CDON: variants seen among roughly 807,000 people sequenced by gnomAD.
The protein encoded by CDON is cell adhesion molecule-related/down-regulated by oncogenes.
In CDON, 73 loss-of-function variants were observed where a neutral mutation model predicts 120.9. The ratio of observed to expected loss-of-function variants is 0.60; its 90% CI spans 0.50 to 0.73. CDON has a LOEUF of 0.73. CDON is among the 30% of genes least tolerant of loss of function. The probability of loss-of-function intolerance (pLI) is 0.00; values close to 1 mark genes in which losing one functional copy is unlikely to be tolerated. For synonymous variants in CDON, 566 were observed against 573.5 expected (o/e 0.99, Z 0.19); for missense variants, 1,470 against 1,587.3 (o/e 0.93, Z 1.26).
Position 126,006,049 on chromosome 11 carries a change from C to T in CDON, c.1561G>A (p.Glu521Lys). The change falls in exon 9 of 20, where the codon GAA becomes AAA. Residue 521 changes from glutamate (E) to lysine (K), a missense_variant. Coordinates refer to ENST00000531738, the MANE Select transcript of CDON (RefSeq NM_001378964.1). Reference sequence around the variant, plus strand: ...ACTGTCTCTGCTTTTGTATTTGTTTCAAAAGGAACTGCAGGGAGAGAGAGA... The same window carrying T: ...ACTGTCTCTGCTTTTGTATTTGTTTTAAAAGGAACTGCAGGGAGAGAGAGA... ...AEASLMVVPF[E>K]TNTKAETVTL... is the part of the protein sequence containing the mutation. The T allele has an allele frequency of 6.2e-7, 1 of 1,613,816 alleles. No individual in the cohort carries two copies. Among genetic ancestry groups the T allele is most frequent in the Non-Finnish European group, 8.5e-7 (1 of 1,179,942 alleles).
At chr11:125,992,546 A>G (rs906577688) in intron 14 of CDON, among the ~76,000 whole-genome samples, 3 of 152,148 alleles carry the variant, frequency 2.0e-5, no homozygotes, top group Non-Finnish European at 2.9e-5. Context: ...GACAGCTACT[A>G]TCGTGAGTCC....
At chr11:126,057,350 T>C (rs1401951046) in intron 1 of CDON, among the ~76,000 whole-genome samples, 1 of 152,206 alleles carries the variant, frequency 6.6e-6, no homozygotes, top group Admixed American at 6.5e-5. Context: ...TAGTACTGTA[T>C]ACATAAATAA....
At chr11:126,006,130 GAC>G in intron 8 of CDON, 73 bp from the exon 9 acceptor site, 1 of 1,374,934 alleles carries the variant, frequency 7.3e-7, no homozygotes, top group Non-Finnish European at 1.0e-6. Context: ...TTTGTGACGT[GAC>G]TGCCCTCACT....
chr11:126,058,694 C>A (rs1207083283), intron 1 of CDON, among the ~76,000 whole-genome samples: 1 of 152,156 alleles, frequency 6.6e-6, no homozygotes, highest in African/African-American at 2.4e-5. Context: ...TAGATGAAAA[C>A]CAATTAACTA....
rs771168451 is a variant in CDON, at chr11:126,010,398, TG to T, written c.1494del (p.Tyr498Ter). On this transcript the variant is annotated frameshift_variant, in exon 8 of 20. Coordinates refer to ENST00000531738, the MANE Select transcript of CDON (RefSeq NM_001378964.1). LOFTEE classifies it high-confidence loss of function. ...QAVTQEHAGK[Y>X]ICEAANEHGT... ...CCATGTTCATTTGCAGCTTCGCAGA[TG>T]TATTTCCCCGCATGTTCCTGAGTCA... is the stretch of plus-strand genomic sequence containing the variant. 1.2e-6 allele frequency: 2 copies of T among 1,614,086 alleles called. No homozygotes were observed. Among genetic ancestry groups the T allele is most frequent in the Non-Finnish European group, 1.7e-6 (2 of 1,179,994 alleles).
chr11:125,965,561 T>C (rs942259604), intron 18 of CDON, among the ~76,000 whole-genome samples: 4 of 152,018 alleles, frequency 2.6e-5, no homozygotes, highest in Admixed American at 1.3e-4. Flanking sequence ...AGGACAAAAA[T>C]TGGAGTTCAG....
intron 8 of CDON, among the ~76,000 whole-genome samples, chr11:126,009,685 C>G (rs916017922): frequency 6.0e-5 from 9 of 150,450 alleles, no homozygotes; most frequent in African/African-American, 2.0e-4. Context: ...AATAAGATGA[C>G]AATCTACACC....
chr11:126,033,790 G>A (rs563497704), intron 1 of CDON, among the ~76,000 whole-genome samples: 49 of 152,266 alleles, frequency 3.2e-4, no homozygotes, highest in African/African-American at 1.2e-3. Context: ...GAGGCAAACA[G>A]AGTGCTACAA....
rs771019933 is a variant in CDON at position 125,960,913 on chromosome 11, T to G, written c.*29A>C. On this transcript the variant is annotated 3_prime_UTR_variant, in exon 20 of 20. Coordinates refer to ENST00000531738, the MANE Select transcript of CDON (RefSeq NM_001378964.1). The stretch of plus-strand genomic sequence containing the variant: ...GTTGTGTGCAGTTACCGGCTTGAAG[T>G]TGGAACATGACTGGTTGTTTGCATG... The G allele has an allele frequency of 1.2e-6, 2 of 1,612,280 alleles. No homozygotes were observed. The highest frequency in any genetic ancestry group is 2.2e-5 in the South Asian group (2 of 91,026).
Position 126,034,655 on chromosome 11 carries a change from G to A in CDON, c.-61-11118C>T, listed in dbSNP as rs1463922592. Among the ~76,000 whole-genome samples, 1 of 152,172 alleles carries A rather than the reference G, an allele frequency of 6.6e-6. No homozygotes were observed. Among genetic ancestry groups the A allele is most frequent in the African/African-American group, 2.4e-5 (1 of 41,428 alleles). ...ATAATCCTGGCATCCACAGTGGGTT[G>A]TACAGGAGCATTATAAATATTTAAA... is the stretch of plus-strand genomic sequence containing the variant. On this transcript the variant is annotated intron_variant, in intron 1 of 19. Transcript: ENST00000531738. This position sits in a 1 kb window ranked among gnomAD's most constrained non-coding sequence, Gnocchi z 4.5.
At chr11:126,001,678 G>A (rs1206723818) in intron 11 of CDON, 41 bp downstream of exon 11, 1 of 1,589,486 alleles carries the variant, frequency 6.3e-7, no homozygotes, top group East Asian at 2.2e-5. Context: ...AAGCAGGTCA[G>A]TTATATTTGT....
chr11:125,964,115 T>C (rs1565487573), intron 18 of CDON, among the ~76,000 whole-genome samples: 1 of 152,182 alleles, frequency 6.6e-6, no homozygotes, highest in Non-Finnish European at 1.5e-5. Context: ...AGTCTCCCAA[T>C]ACTCAGGGAA....
At chr11:126,053,847 T>G (rs1448270148) in intron 1 of CDON, among the ~76,000 whole-genome samples, 1 of 151,934 alleles carries the variant, frequency 6.6e-6, no homozygotes, top group African/African-American at 2.4e-5. Flanking sequence ...GAAACCACGC[T>G]CACTCCCTAA....
At chr11:126,021,963 G>A (rs980955963) in intron 2 of CDON, among the ~76,000 whole-genome samples, 2 of 151,970 alleles carry the variant, frequency 1.3e-5, no homozygotes, top group African/African-American at 4.8e-5. Flanking sequence ...ATTAGCCAAT[G>A]TGGTGGTGTA....
At chr11:126,060,101 A>G (rs1466911210) in intron 1 of CDON, among the ~76,000 whole-genome samples, 1 of 152,176 alleles carries the variant, frequency 6.6e-6, no homozygotes, top group Non-Finnish European at 1.5e-5. Flanking sequence ...CACAACAAAA[A>G]CTTATCACAT....
At chr11:126,033,982 G>A (rs1948023274) in intron 1 of CDON, among the ~76,000 whole-genome samples, 1 of 152,216 alleles carries the variant, frequency 6.6e-6, no homozygotes, top group South Asian at 2.1e-4. Flanking sequence ...AAGTAAAGTT[G>A]CAGGATCTCA....
Position 126,004,435 on chromosome 11 carries a change from T to C in CDON, c.1852-359A>G, listed in dbSNP as rs187973242. On this transcript the variant is annotated intron_variant, in intron 9 of 19. Coordinates refer to ENST00000531738, the MANE Select transcript of CDON (RefSeq NM_001378964.1). ...AATAAGTATAAAATAATAGGTATCA[T>C]TGGTAATTATATAATACACATAATA... 7.5e-5 allele frequency: 22 copies of C among 294,580 alleles called. No homozygotes were observed. The East Asian group carries it at 7.6e-4, about 10-fold the overall frequency. 18.2% of individuals were successfully genotyped at this position (294,580 alleles called of 1,614,324 possible).
intron 9 of CDON, 24 bp from the exon 10 acceptor site, chr11:126,004,100 A>G (rs1157148789): frequency 6.2e-7 from 1 of 1,612,296 alleles, no homozygotes; most frequent in Non-Finnish European, 8.5e-7. Context: ...AACACACCAG[A>G]AAAGAAAAGC....
chr11:126,027,256 G>A (rs1213517913), intron 1 of CDON, among the ~76,000 whole-genome samples: 3 of 152,172 alleles, frequency 2.0e-5, no homozygotes, highest in African/African-American at 7.2e-5. Context: ...GAGTTGGGTA[G>A]CTCGACATTA....
Sources: gnomAD v4.1 joint callset for allele counts (sites outside exome capture counted in the v4.1 genomes callset) on GRCh38, gnomAD v4.1.1 for gene constraint, Gnocchi (gnomAD v3.1) non-coding constraint, MANE v1.5 for transcripts, NCBI Gene and HGNC (gene_info 2026-07-23, HGNC 2026-07-21) for gene names.